The following TRIM2 variants were observed in gnomAD, a reference collection of about 807,000 sequenced individuals.
TRIM2 encodes tripartite motif-containing protein 2.
A neutral mutation model predicts 75.2 loss-of-function variants in TRIM2; 20 were observed. The ratio of observed to expected loss-of-function variants is 0.27; its 90% confidence interval spans 0.19 to 0.39. TRIM2 has a LOEUF of 0.39. TRIM2 is among the 10% of genes least tolerant of loss of function. TRIM2 has a pLI of 1.00. For missense variants in TRIM2, 660 were observed against 990.8 expected (o/e 0.67, Z 4.48); for synonymous variants, 373 against 388.3 (o/e 0.96, Z 0.46).
chr4:153,162,691 A>G (rs1371228782), intron 1 of TRIM2, among the ~76,000 whole-genome samples: 2 of 152,234 alleles, frequency 1.3e-5, no homozygotes, highest in Non-Finnish European at 1.5e-5. Flanking sequence ...TAAATAAGAA[A>G]CAGTAGTTTC....
intron 1 of TRIM2, among the ~76,000 whole-genome samples, chr4:153,239,672 G>A (rs1745995542): frequency 6.6e-6 from 1 of 152,062 alleles, no homozygotes; most frequent in South Asian, 2.1e-4. Flanking sequence ...TTCTCGTTCT[G>A]TCTTCTTCTC....
At chr4:153,202,750 C>T (rs1170486965), upstream of TRIM2, among the ~76,000 whole-genome samples, 1 of 149,256 alleles carries the variant, frequency 6.7e-6, no homozygotes, top group African/African-American at 2.5e-5. Context: ...CTACAGTTTA[C>T]TTTCTGGTTC....
At chr4:153,256,746 G>A (rs567744886) in intron 1 of TRIM2, among the ~76,000 whole-genome samples, 31 of 152,212 alleles carry the variant, frequency 2.0e-4, no homozygotes, top group African/African-American at 4.1e-4. Context: ...GGTTATCCCC[G>A]AATCAAAATA....
chr4:153,246,969 A>C (rs929770942), intron 1 of TRIM2, among the ~76,000 whole-genome samples: 1 of 152,180 alleles, frequency 6.6e-6, no homozygotes, highest in African/African-American at 2.4e-5. Context: ...GAGTGCATTC[A>C]TTTGGAGGAG....
chr4:153,282,306 T>A (rs1429750110), intron 3 of TRIM2, among the ~76,000 whole-genome samples: 3 of 152,246 alleles, frequency 2.0e-5, no homozygotes, highest in African/African-American at 7.2e-5. Flanking sequence ...CAAAATCATT[T>A]CAGGGCCTTG....
chr4:153,295,536 A>T lies in TRIM2; in HGVS notation c.1010A>T (p.Lys337Met). ...ATCGTGGAAACCGAGGGGCTGAAGA[A>T]GTCCATCCACAACCTCGGGACGATC... ...DFIVETEGLK[K>M]SIHNLGTILT... The change falls in exon 6 of 12, where the codon AAG becomes ATG. Residue 337 changes from lysine (K) to methionine (M), a missense_variant. Around this residue, in one of 2 missense-constraint regions of TRIM2, gnomAD observed 620 missense variants for 891.0 expected, o/e 0.70. Coordinates refer to ENST00000338700, the MANE Select transcript of TRIM2 (RefSeq NM_015271.5). This position sits in a 1 kb window ranked among gnomAD's most constrained non-coding sequence, Gnocchi z 7.2. 1 of 1,613,574 alleles carries T rather than the reference A, an allele frequency of 6.2e-7. No individual in the cohort carries two copies. The highest frequency in any genetic ancestry group is 8.5e-7 in the Non-Finnish European group (1 of 1,179,606).
At chr4:153,169,494 AC>A (rs1337329967) in intron 1 of TRIM2, among the ~76,000 whole-genome samples, 1 of 152,126 alleles carries the variant, frequency 6.6e-6, no homozygotes, top group Non-Finnish European at 1.5e-5. Flanking sequence ...TTGGTATGTG[AC>A]TTTTGATTTA....
intron 3 of TRIM2, among the ~76,000 whole-genome samples, chr4:153,279,944 A>G (rs1421001704): frequency 1.8e-5 from 1 of 56,782 alleles, no homozygotes; most frequent in Non-Finnish European, 3.1e-5. Flanking sequence ...CTCTGTCTCA[A>G]AAAAAAAAAA....
chr4:153,247,677 CAAAAAAAA>C (rs1183914263), intron 1 of TRIM2, among the ~76,000 whole-genome samples: 15 of 79,548 alleles, frequency 1.9e-4, no homozygotes, highest in African/African-American at 6.4e-4. Context: ...GACTCTGTCT[CAAAAAAAA>C]AAAAAAAAAA....
chr4:153,197,528 C>T (rs763784446), intron 1 of TRIM2, among the ~76,000 whole-genome samples: 1 of 151,988 alleles, frequency 6.6e-6, no homozygotes, highest in Non-Finnish European at 1.5e-5. Flanking sequence ...GGAGGTGGGG[C>T]GTTTGGGAGG....
intron 6 of TRIM2, chr4:153,310,150 T>C (rs1334127709): frequency 6.6e-6 from 1 of 152,228 alleles, no homozygotes; most frequent in Non-Finnish European, 1.5e-5. Context: ...TATGGAATTA[T>C]AGAATAATTG....
intron 6 of TRIM2, chr4:153,307,701 T>C (rs984205074): frequency 7.4e-6 from 4 of 543,762 alleles, no homozygotes; most frequent in Non-Finnish European, 1.4e-5. Flanking sequence ...GCGGGTTTTC[T>C]AGACCTGTTA....
At chr4:153,291,565 C>T (rs1047218960) in intron 3 of TRIM2, among the ~76,000 whole-genome samples, 3 of 152,068 alleles carry the variant, frequency 2.0e-5, no homozygotes, top group Non-Finnish European at 4.4e-5. Context: ...TGTTATATGT[C>T]AAGAAAAAGT....
At chr4:153,229,920 A>G (rs976020159) in intron 1 of TRIM2, among the ~76,000 whole-genome samples, 3 of 152,166 alleles carry the variant, frequency 2.0e-5, no homozygotes, top group African/African-American at 4.8e-5. Context: ...TTCACCAAGT[A>G]CTGCCAGGTC....
chr4:153,257,017 G>GTGC (rs1752233711), intron 1 of TRIM2, among the ~76,000 whole-genome samples: 2 of 152,206 alleles, frequency 1.3e-5, no homozygotes, highest in African/African-American at 2.4e-5. Flanking sequence ...GAGCAAGTGT[G>GTGC]TGCTCTCACA....
intron 1 of TRIM2, among the ~76,000 whole-genome samples, chr4:153,178,795 CTATT>C (rs957390627): frequency 2.8e-4 from 43 of 152,252 alleles, no homozygotes; most frequent in African/African-American, 1.0e-3. Context: ...ATTTTATGTG[CTATT>C]TATTATATTA....
At chr4:153,208,443 ATTAT>A (rs1268541117) in intron 1 of TRIM2, among the ~76,000 whole-genome samples, 2 of 151,194 alleles carry the variant, frequency 1.3e-5, no homozygotes, top group East Asian at 3.8e-4. Flanking sequence ...AAATAATTTT[ATTAT>A]TTAATAAACA....
chr4:153,190,837 A>G (rs1339537920), intron 1 of TRIM2, among the ~76,000 whole-genome samples: 1 of 152,138 alleles, frequency 6.6e-6, no homozygotes, highest in African/African-American at 2.4e-5. Flanking sequence ...TCCTGGTTTC[A>G]CGCAATTCTC....
At chr4:153,155,353 A>G (rs1729134557) in intron 1 of TRIM2, among the ~76,000 whole-genome samples, 1 of 152,234 alleles carries the variant, frequency 6.6e-6, no homozygotes, top group African/African-American at 2.4e-5. Context: ...CTACTCTAGT[A>G]AAATAATGGT....
Sources: gnomAD v4.1 joint callset for allele counts (sites outside exome capture counted in the v4.1 genomes callset) on GRCh38, gnomAD v4.1.1 for gene constraint, gnomAD v4.1.1 regional missense constraint, Gnocchi (gnomAD v3.1) non-coding constraint, MANE v1.5 for transcripts, NCBI Gene and HGNC (gene_info 2026-07-23, HGNC 2026-07-21) for gene names.